ATF6: variants seen among roughly 807,000 people sequenced by gnomAD.
ATF6 encodes cyclic AMP-dependent transcription factor ATF-6 alpha.
A neutral mutation model predicts 83.6 loss-of-function variants in ATF6; 53 were observed. The ratio of observed to expected loss-of-function variants is 0.63; its 90% CI spans 0.51 to 0.80. ATF6 has a LOEUF of 0.80. Among genes scored for constraint, ATF6 ranks in the 30% least tolerant of loss-of-function variants. The probability of loss-of-function intolerance (pLI) is 0.00; values close to 1 mark genes in which losing one functional copy is unlikely to be tolerated. For synonymous variants in ATF6, 288 were observed against 285.8 expected, an observed-to-expected ratio of 1.01 and a Z score of -0.08; for missense variants, 744 against 797.9, an observed-to-expected ratio of 0.93 and a Z score of 0.81.
intron 15 of ATF6, among the ~76,000 whole-genome samples, chr1:161,926,226 A>G (rs577260684): frequency 1.3e-5 from 2 of 152,206 alleles, no homozygotes; most frequent in Non-Finnish European, 2.9e-5. Flanking sequence ...GTTCATATTT[A>G]AAAAAGGATT....
intron 14 of ATF6, among the ~76,000 whole-genome samples, chr1:161,896,988 T>C (rs1483267155): frequency 6.6e-6 from 1 of 152,182 alleles, no homozygotes; most frequent in Non-Finnish European, 1.5e-5. Context: ...AAAATTACAT[T>C]AGAAGAGAGT....
intron 15 of ATF6, among the ~76,000 whole-genome samples, chr1:161,938,252 C>T (rs1471109115): frequency 6.6e-6 from 1 of 152,182 alleles, no homozygotes; most frequent in African/African-American, 2.4e-5. Flanking sequence ...GACTGTGCTA[C>T]TAATAGAAAT....
At position 161,841,368 on chromosome 1, in the gene ATF6, TG is replaced by T. The variant is rs534049838; in HGVS notation, c.1188-5080del. On this transcript the variant is annotated intron_variant, in intron 9 of 15. Transcript: ENST00000367942. ...ATTTCATAGAGTTCAAGTATTTAAA[TG>T]TTTTTTTAGCTGAATTGGACAATCA... is the stretch of plus-strand genomic sequence containing the variant. Among the ~76,000 whole-genome samples, 432 of 152,322 alleles carry T rather than the reference TG, an allele frequency of 2.8e-3. 1 individual carries two copies. The highest frequency in any genetic ancestry group is 0.01 in the African/African-American group (423 of 41,588).
chr1:161,833,677 G>A (rs2101803553), intron 9 of ATF6, among the ~76,000 whole-genome samples: 1 of 152,280 alleles, frequency 6.6e-6, no homozygotes, highest in Admixed American at 6.5e-5. Flanking sequence ...CGAAGTGAAT[G>A]AAATGAAGCA....
intron 15 of ATF6, among the ~76,000 whole-genome samples, chr1:161,937,550 A>G (rs1688561759): frequency 6.6e-6 from 1 of 151,994 alleles, no homozygotes; most frequent in Non-Finnish European, 1.5e-5. Flanking sequence ...GCCCTCATGA[A>G]TGGAATTACT....
intron 15 of ATF6, among the ~76,000 whole-genome samples, chr1:161,925,104 C>A (rs1452166640): frequency 6.6e-6 from 1 of 152,138 alleles, no homozygotes; most frequent in African/African-American, 2.4e-5. Flanking sequence ...ACTATATACC[C>A]TCTGAGTCTT....
At chr1:161,874,090 A>G (rs1194272939) in intron 14 of ATF6, among the ~76,000 whole-genome samples, 2 of 151,636 alleles carry the variant, frequency 1.3e-5, no homozygotes, top group Non-Finnish European at 3.0e-5. Context: ...TTAAAAGTCT[A>G]AGTGCCATTT....
Position 161,766,329 on chromosome 1 carries a change from T to C in ATF6, c.-32T>C, listed in dbSNP as rs763461610. On this transcript the variant is annotated 5_prime_UTR_variant, in exon 1 of 16. Transcript: ENST00000367942. ...CTGCCGCCGCCGTCCCAGATATTAATCACGGAGTTCCAGGGAGAAGGAACT... is the reference window on the plus strand; with the variant it reads ...CTGCCGCCGCCGTCCCAGATATTAACCACGGAGTTCCAGGGAGAAGGAACT... The C allele has an allele frequency of 2.5e-6, 4 of 1,604,634 alleles. No homozygotes were observed. The highest frequency in any genetic ancestry group is 3.4e-6 in the Non-Finnish European group (4 of 1,172,480).
chr1:161,940,559 CT>C (rs71301060), intron 15 of ATF6, among the ~76,000 whole-genome samples: 74 of 118,424 alleles, frequency 6.2e-4, no homozygotes, highest in Admixed American at 2.2e-3. Flanking sequence ...TCCTTCAGAT[CT>C]TTTTTTTTTT....
chr1:161,775,155 A>G lies in ATF6; in HGVS notation c.83-3089A>G, dbSNP rs187164222. 2.1e-3 allele frequency among the ~76,000 whole-genome samples: 327 copies of G among 152,328 alleles called. 1 individual carries two copies. The highest frequency in any genetic ancestry group is 3.4e-3 in the Middle Eastern group (1 of 294). On this transcript the variant is annotated intron_variant, in intron 1 of 15. Transcript: ENST00000367942. The stretch of plus-strand genomic sequence containing the variant: ...GCATCAGAATAAAATGAGGGTATAC[A>G]TTATAGTGTAAATACTATGCGATGT...
At chr1:161,905,774 T>G (rs1687866533) in intron 14 of ATF6, among the ~76,000 whole-genome samples, 1 of 152,202 alleles carries the variant, frequency 6.6e-6, no homozygotes, top group Admixed American at 6.5e-5. Context: ...CTATTATAGC[T>G]AACAAAGTTT....
chr1:161,861,263 C>G (rs1026287237), intron 13 of ATF6, among the ~76,000 whole-genome samples: 4 of 152,112 alleles, frequency 2.6e-5, no homozygotes, highest in African/African-American at 9.7e-5. Flanking sequence ...TTAGAATATA[C>G]TGTGTGCCAG....
At chr1:161,771,381 G>T (rs1684385693) in intron 1 of ATF6, among the ~76,000 whole-genome samples, 1 of 152,070 alleles carries the variant, frequency 6.6e-6, no homozygotes, top group African/African-American at 2.4e-5. Flanking sequence ...ATCAAAATCT[G>T]GTGCTCCTGG....
At chr1:161,795,759 A>G (rs1209441778) in intron 6 of ATF6, among the ~76,000 whole-genome samples, 1 of 152,224 alleles carries the variant, frequency 6.6e-6, no homozygotes, top group Admixed American at 6.5e-5. Flanking sequence ...AACAGTAGTA[A>G]CTATGTTCAG....
chr1:161,877,947 A>G (rs1687249423), intron 14 of ATF6, among the ~76,000 whole-genome samples: 1 of 152,116 alleles, frequency 6.6e-6, no homozygotes, highest in Non-Finnish European at 1.5e-5. Flanking sequence ...TTTGGGGGGC[A>G]CGGTAATATG....
chr1:161,913,950 C>G (rs1209297303), intron 15 of ATF6, among the ~76,000 whole-genome samples: 2 of 152,184 alleles, frequency 1.3e-5, no homozygotes, highest in Non-Finnish European at 2.9e-5. Context: ...TAAGCCAAAA[C>G]CAACAAGATG....
At chr1:161,820,042 G>C (rs1187333290) in intron 8 of ATF6, among the ~76,000 whole-genome samples, 1 of 152,064 alleles carries the variant, frequency 6.6e-6, no homozygotes, top group Non-Finnish European at 1.5e-5. Context: ...CTTTTCCTAG[G>C]TTTCTCCTCA....
At chr1:161,848,171 C>T (rs1176359300) in intron 10 of ATF6, among the ~76,000 whole-genome samples, 2 of 151,200 alleles carry the variant, frequency 1.3e-5, no homozygotes, top group Non-Finnish European at 2.9e-5. Flanking sequence ...CATGCAAGTC[C>T]TTTGAAATAT....
At chr1:161,770,114 T>A (rs1343228747) in intron 1 of ATF6, among the ~76,000 whole-genome samples, 1 of 152,228 alleles carries the variant, frequency 6.6e-6, no homozygotes. Context: ...TAACCACTGA[T>A]CTTTTCACTG....
Sources: gnomAD v4.1 joint callset for allele counts (sites outside exome capture counted in the v4.1 genomes callset) on GRCh38, gnomAD v4.1.1 for gene constraint, MANE v1.5 for transcripts, NCBI Gene and HGNC (gene_info 2026-07-23, HGNC 2026-07-21) for gene names.